Variants in SPAG16 observed in about 807,000 individuals in gnomAD.
SPAG16 encodes the protein sperm-associated antigen 16 protein.
A neutral mutation model predicts 80.4 loss-of-function variants in SPAG16; 86 were observed. The ratio of observed to expected loss-of-function variants is 1.07; its 90% confidence interval spans 0.90 to 1.28. SPAG16 has a LOEUF of 1.28. SPAG16 is among the 50% of genes most tolerant of loss of function. The pLI, the probability that SPAG16 is intolerant of heterozygous loss-of-function variation, is 0.00. For missense variants in SPAG16, 870 were observed against 765.3 expected (o/e 1.14, Z -1.61); for synonymous variants, 294 against 265.9 (o/e 1.11, Z -1.03).
At chr2:213,467,417 A>G (rs75563512) in intron 9 of SPAG16, among the ~76,000 whole-genome samples, 3,538 of 152,284 alleles carry the variant, frequency 0.023, 57 homozygotes, top group South Asian at 0.038. Context: ...AAATATCCCT[A>G]TGTAGCAGAG....
At chr2:214,170,179 T>TTAGGTGTGTATACATATACACAC (rs1576405544) in intron 15 of SPAG16, among the ~76,000 whole-genome samples, 4 of 123,204 alleles carry the variant, frequency 3.2e-5, no homozygotes, top group African/African-American at 1.6e-4. Flanking sequence ...GGGATACACA[T>TTAGGTGTGTATACATATACACAC]ACACTTAGGT....
chr2:213,674,982 C>G lies in SPAG16; in HGVS notation c.1070+184892C>G, dbSNP rs1324892832. On this transcript the variant is annotated intron_variant, in intron 10 of 15. Coordinates refer to ENST00000331683, the MANE Select transcript of SPAG16 (RefSeq NM_024532.5). ...CACACTGACTTCCACAATGGTTGAA[C>G]TAGTTTACAGTCCCACCAACAGTGT... is the stretch of plus-strand genomic sequence containing the variant. Among the ~76,000 whole-genome samples the G allele has an allele frequency of 1.0e-4, 15 of 150,008 alleles. No individual in the cohort carries two copies. The South Asian group carries it at 1.2e-3, about 12-fold the overall frequency.
chr2:213,535,658 A>G (rs780432384), intron 10 of SPAG16, among the ~76,000 whole-genome samples: 7 of 152,062 alleles, frequency 4.6e-5, no homozygotes, highest in Non-Finnish European at 1.0e-4. Context: ...TCACTTTCTC[A>G]TTGATTTGAA....
At chr2:213,646,175 G>A (rs1189647767) in intron 10 of SPAG16, among the ~76,000 whole-genome samples, 1 of 152,202 alleles carries the variant, frequency 6.6e-6, no homozygotes, top group African/African-American at 2.4e-5. Context: ...TCCCTTCAGT[G>A]CCTCTTTCGA....
intron 15 of SPAG16, among the ~76,000 whole-genome samples, chr2:214,336,254 A>G (rs1697282018): frequency 6.6e-6 from 1 of 152,108 alleles, no homozygotes; most frequent in Admixed American, 6.6e-5. Flanking sequence ...TTTAATTTGG[A>G]CAAAGAAGAT....
chr2:213,874,814 G>A (rs2076083706), intron 11 of SPAG16, among the ~76,000 whole-genome samples: 1 of 152,128 alleles, frequency 6.6e-6, no homozygotes, highest in African/African-American at 2.4e-5. Context: ...AAGCTACAGG[G>A]TTAAGGGCTT....
intron 13 of SPAG16, among the ~76,000 whole-genome samples, chr2:214,080,865 G>A (rs933189746): frequency 2.6e-5 from 4 of 151,688 alleles, no homozygotes; most frequent in African/African-American, 4.8e-5. Flanking sequence ...AGACTGAACA[G>A]GAAGGCTTAT....
chr2:213,766,902 G>A (rs1351227395), intron 10 of SPAG16, among the ~76,000 whole-genome samples: 1 of 152,188 alleles, frequency 6.6e-6, no homozygotes, highest in South Asian at 2.1e-4. Context: ...CACAAAGTCT[G>A]GGTTGGAGAG....
At chr2:213,966,185 T>C (rs952998217) in intron 12 of SPAG16, among the ~76,000 whole-genome samples, 2 of 152,168 alleles carry the variant, frequency 1.3e-5, no homozygotes, top group Non-Finnish European at 2.9e-5. Context: ...TTCTTGGTTG[T>C]ACTTGGACAG....
chr2:213,295,286 T>A (rs757078340), intron 1 of SPAG16, among the ~76,000 whole-genome samples: 3 of 152,116 alleles, frequency 2.0e-5, no homozygotes, highest in Non-Finnish European at 4.4e-5. Flanking sequence ...TGTGCTGTGA[T>A]TTAACATAAA....
chr2:213,832,130 T>G (rs887531531), intron 10 of SPAG16, among the ~76,000 whole-genome samples: 1 of 152,032 alleles, frequency 6.6e-6, no homozygotes, highest in African/African-American at 2.4e-5. Context: ...CGTGAGTAGC[T>G]GGGATTACAG....
At chr2:213,777,863 G>C (rs1231020328) in intron 10 of SPAG16, among the ~76,000 whole-genome samples, 3 of 152,120 alleles carry the variant, frequency 2.0e-5, no homozygotes, top group Admixed American at 1.3e-4. Flanking sequence ...TTGCACTCCA[G>C]TTGTGCCTAA....
At chr2:213,702,435 C>A (rs553455925) in intron 10 of SPAG16, among the ~76,000 whole-genome samples, 1 of 152,306 alleles carries the variant, frequency 6.6e-6, no homozygotes, top group Admixed American at 6.5e-5. Context: ...CGAAGGTCTG[C>A]ACCTTCACTT....
chr2:214,183,708 A>G (rs2057377493), intron 15 of SPAG16, among the ~76,000 whole-genome samples: 1 of 152,018 alleles, frequency 6.6e-6, no homozygotes, highest in Non-Finnish European at 1.5e-5. Context: ...CTCAGCTTAG[A>G]AACCTGTCCT....
chr2:213,701,755 A>C (rs1228429059), intron 10 of SPAG16, among the ~76,000 whole-genome samples: 1 of 151,856 alleles, frequency 6.6e-6, no homozygotes, highest in Non-Finnish European at 1.5e-5. Flanking sequence ...ACCAATCAGC[A>C]CTCTATGTCT....
intron 15 of SPAG16, among the ~76,000 whole-genome samples, chr2:214,399,733 G>T (rs1009209245): frequency 6.6e-6 from 1 of 151,996 alleles, no homozygotes; most frequent in Non-Finnish European, 1.5e-5. Flanking sequence ...ATAAGCCCTT[G>T]GTTCCTTTGC....
chr2:213,720,439 A>C (rs1351298047), intron 10 of SPAG16, among the ~76,000 whole-genome samples: 1 of 148,842 alleles, frequency 6.7e-6, no homozygotes, highest in Non-Finnish European at 1.5e-5. Context: ...TATCCTGCCT[A>C]ACATGGTGAA....
At chr2:213,550,912 A>T (rs1321235971) in intron 10 of SPAG16, among the ~76,000 whole-genome samples, 1 of 151,920 alleles carries the variant, frequency 6.6e-6, no homozygotes, top group Non-Finnish European at 1.5e-5. Flanking sequence ...CATATTTTAA[A>T]TTTTCTTTTT....
chr2:213,833,157 A>G (rs1422210253), intron 10 of SPAG16, among the ~76,000 whole-genome samples: 2 of 151,236 alleles, frequency 1.3e-5, no homozygotes, highest in Admixed American at 6.6e-5. Context: ...TCTAATTTCT[A>G]TAATATATTC....
Sources: allele counts gnomAD v4.1 joint callset (sites outside exome capture counted in the v4.1 genomes callset), GRCh38; gene constraint gnomAD v4.1.1; transcripts MANE v1.5; gene names NCBI Gene and HGNC (gene_info 2026-07-23, HGNC 2026-07-21).